Variants in PARD3 observed in about 807,000 individuals in gnomAD.
PARD3 encodes the protein partitioning defective 3 homolog.
Under a neutral mutation model 155.4 loss-of-function variants are expected in PARD3, and 75 were observed. That is an observed-to-expected ratio of 0.48 (90% confidence interval 0.40 to 0.58). PARD3 has a LOEUF of 0.58. Ranked by LOEUF, PARD3 falls within the 20% of genes least tolerant of loss-of-function variation. The probability of loss-of-function intolerance (pLI) is 0.00; values close to 1 mark genes in which losing one functional copy is unlikely to be tolerated. For synonymous variants in PARD3, 576 were observed against 610.5 expected (o/e 0.94, Z 0.83); for missense variants, 1,642 against 1,721.7 (o/e 0.95, Z 0.82).
At chr10:34,516,396 G>A (rs1831968304) in intron 3 of PARD3, among the ~76,000 whole-genome samples, 1 of 152,156 alleles carries the variant, frequency 6.6e-6, no homozygotes, top group African/African-American at 2.4e-5. Flanking sequence ...TACCTTCCAA[G>A]AATGGCTAAC....
intron 4 of PARD3, among the ~76,000 whole-genome samples, chr10:34,465,573 A>G (rs2077958812): frequency 6.6e-6 from 1 of 152,162 alleles, no homozygotes; most frequent in African/African-American, 2.4e-5. Flanking sequence ...GTCTCCATTT[A>G]AAAAATCAAA....
chr10:34,753,002 T>C (rs1836257590), intron 1 of PARD3, among the ~76,000 whole-genome samples: 1 of 152,232 alleles, frequency 6.6e-6, no homozygotes, highest in Admixed American at 6.5e-5. Flanking sequence ...CATGAGATGT[T>C]TTCTAATGGA....
intron 4 of PARD3, among the ~76,000 whole-genome samples, chr10:34,459,781 G>C (rs2077532865): frequency 6.6e-6 from 1 of 151,930 alleles, no homozygotes; most frequent in African/African-American, 2.4e-5. Context: ...TGAAAATGAA[G>C]AGATTTAAAT....
At chr10:34,694,409 A>G (rs2094126847) in intron 2 of PARD3, among the ~76,000 whole-genome samples, 1 of 151,508 alleles carries the variant, frequency 6.6e-6, no homozygotes, top group South Asian at 2.1e-4. Flanking sequence ...TCAAAAGCCC[A>G]AGAAGGAGAA....
intron 12 of PARD3, among the ~76,000 whole-genome samples, chr10:34,361,534 G>A (rs948960001): frequency 6.6e-6 from 1 of 152,158 alleles, no homozygotes; most frequent in Non-Finnish European, 1.5e-5. Flanking sequence ...AAGGAATTTG[G>A]AATTCAAGGA....
intron 22 of PARD3, among the ~76,000 whole-genome samples, chr10:34,143,708 G>A (rs895070741): frequency 3.9e-5 from 6 of 152,012 alleles, no homozygotes; most frequent in African/African-American, 1.2e-4. Flanking sequence ...ATTAAATAAT[G>A]TAACAAGAGA....
intron 1 of PARD3, among the ~76,000 whole-genome samples, chr10:34,756,130 C>G (rs1397972703): frequency 6.6e-6 from 1 of 150,574 alleles, no homozygotes; most frequent in Non-Finnish European, 1.5e-5. Context: ...CTCCAATCTC[C>G]CCATGGCAAA....
intron 3 of PARD3, among the ~76,000 whole-genome samples, chr10:34,471,735 T>G (rs1480880161): frequency 6.6e-6 from 1 of 152,142 alleles, no homozygotes; most frequent in Non-Finnish European, 1.5e-5. Context: ...GTTTTTGTGT[T>G]TTTAGTAGAG....
At chr10:34,707,643 A>G (rs1368476056) in intron 1 of PARD3, among the ~76,000 whole-genome samples, 1 of 152,222 alleles carries the variant, frequency 6.6e-6, no homozygotes, top group Non-Finnish European at 1.5e-5. Flanking sequence ...GCTTCTATCC[A>G]AACTTCGGAA....
rs1188401141 is a variant in PARD3, at chr10:34,541,013, T to A, written c.223-23854A>T. On this transcript the variant is annotated intron_variant, in intron 2 of 24. Transcript: ENST00000374788. ...GATCCAGCATCCTTAATTTAAGATA[T>A]AAGTAAAATTTTAAAGCAAAAACAA... Among the ~76,000 whole-genome samples the A allele has an allele frequency of 2.6e-5, 4 of 152,102 alleles. No individual in the cohort carries two copies. The East Asian group carries it at 7.7e-4, about 29-fold the overall frequency.
chr10:34,244,475 G>GAA (rs1283960352), intron 22 of PARD3, among the ~76,000 whole-genome samples: 3 of 152,066 alleles, frequency 2.0e-5, no homozygotes, highest in African/African-American at 7.2e-5. Flanking sequence ...ACCTGTTCTT[G>GAA]AATCCAGCAG....
chr10:34,407,770 G>A (rs1366862236), intron 5 of PARD3, among the ~76,000 whole-genome samples: 1 of 151,910 alleles, frequency 6.6e-6, no homozygotes, highest in Non-Finnish European at 1.5e-5. Flanking sequence ...GGAGTTCAAG[G>A]CTGCAGTGAG....
chr10:34,649,046 C>G (rs2092928739), intron 2 of PARD3, among the ~76,000 whole-genome samples: 1 of 152,100 alleles, frequency 6.6e-6, no homozygotes, highest in South Asian at 2.1e-4. Flanking sequence ...GGATTTATAG[C>G]CCCAAAAGTC....
At position 34,122,545 on chromosome 10, in the gene PARD3, G is replaced by A. The variant is rs189859196; in HGVS notation, c.3541-2805C>T. Among the ~76,000 whole-genome samples, 19 of 152,264 alleles carry A rather than the reference G, an allele frequency of 1.2e-4. No homozygotes were observed. In the East Asian group the frequency reaches 3.5e-3, roughly 28 times the overall value. On this transcript the variant is annotated intron_variant, in intron 23 of 24. Transcript: ENST00000374788. ...TATTTCATACTATCATGCTCACCAG[G>A]AAGAAACATAAACATTGGCTTCACC...
chr10:34,250,198 A>G (rs1954221082), intron 22 of PARD3, among the ~76,000 whole-genome samples: 1 of 151,350 alleles, frequency 6.6e-6, no homozygotes, highest in Non-Finnish European at 1.5e-5. Context: ...CTTAGCTTTA[A>G]GTACAGTTAA....
intron 3 of PARD3, among the ~76,000 whole-genome samples, chr10:34,472,491 G>C (rs2078416971): frequency 6.6e-6 from 1 of 152,104 alleles, no homozygotes; most frequent in Non-Finnish European, 1.5e-5. Flanking sequence ...AAGGAAAAAA[G>C]CAACAAAATG....
intron 2 of PARD3, among the ~76,000 whole-genome samples, chr10:34,518,843 G>A (rs1325331320): frequency 6.6e-6 from 1 of 152,158 alleles, no homozygotes; most frequent in Non-Finnish European, 1.5e-5. Context: ...TGTCTCCCCA[G>A]AAGAGTCATT....
intron 23 of PARD3, among the ~76,000 whole-genome samples, chr10:34,121,139 G>C (rs1284980826): frequency 6.6e-6 from 1 of 152,144 alleles, no homozygotes; most frequent in Admixed American, 6.5e-5. Flanking sequence ...CTGGTGATTG[G>C]TGCTTCTCAC....
At chr10:34,138,315 T>C (rs1948006004) in intron 22 of PARD3, among the ~76,000 whole-genome samples, 1 of 152,194 alleles carries the variant, frequency 6.6e-6, no homozygotes, top group South Asian at 2.1e-4. Flanking sequence ...TACCAGTCTA[T>C]AGTCAAGAAT....
Sources: gnomAD v4.1 joint callset for allele counts (sites outside exome capture counted in the v4.1 genomes callset) on GRCh38, gnomAD v4.1.1 for gene constraint, MANE v1.5 for transcripts, NCBI Gene and HGNC (gene_info 2026-07-23, HGNC 2026-07-21) for gene names.